PDE1C: variants seen among roughly 807,000 people sequenced by gnomAD.
PDE1C encodes phosphodiesterase 1C.
In PDE1C, 62 loss-of-function variants were observed where a neutral mutation model predicts 93.1. That is an observed-to-expected ratio of 0.67 (90% confidence interval 0.54 to 0.82). The LOEUF is 0.82. Ranked by LOEUF, PDE1C falls within the 40% of genes least tolerant of loss-of-function variation. The pLI, the probability that PDE1C is intolerant of heterozygous loss-of-function variation, is 0.00. For synonymous variants in PDE1C, 325 were observed against 310.1 expected (o/e 1.05, Z -0.50); for missense variants, 742 against 884.6 (o/e 0.84, Z 2.04).
chr7:32,162,376 G>A lies in PDE1C; in HGVS notation c.308+7409C>T, dbSNP rs113788401. ...TGATGCACCAGCAGAGAACTGCAGT[G>A]TGATGGGAGACTGTGGTCCTCCTAG... is the stretch of plus-strand genomic sequence containing the variant. On this transcript the variant is annotated intron_variant, in intron 3 of 18. Coordinates refer to the PDE1C transcript ENST00000396193. Among the ~76,000 whole-genome samples, 3 of 152,282 alleles carry A rather than the reference G, an allele frequency of 2.0e-5. 1 individual carries two copies. Among genetic ancestry groups the A allele is most frequent in the African/African-American group, 7.2e-5 (3 of 41,560 alleles).
intron 2 of PDE1C, among the ~76,000 whole-genome samples, chr7:31,923,038 C>T (rs1167873974): frequency 6.6e-6 from 1 of 152,106 alleles, no homozygotes; most frequent in Non-Finnish European, 1.5e-5. Context: ...TAGGACTAAA[C>T]ATAGAGCAGT....
chr7:32,161,775 C>G (rs149081881), intron 3 of PDE1C, among the ~76,000 whole-genome samples: 19 of 152,228 alleles, frequency 1.2e-4, no homozygotes, highest in African/African-American at 4.3e-4. Flanking sequence ...CCCGCTCCTC[C>G]TCCCAACCCA....
At chr7:31,899,555 T>TGTA (rs1799723654) in intron 2 of PDE1C, among the ~76,000 whole-genome samples, 1 of 152,158 alleles carries the variant, frequency 6.6e-6, no homozygotes, top group Non-Finnish European at 1.5e-5. Context: ...TAACAAGTGT[T>TGTA]ATATATTTTT....
At chr7:31,982,558 T>TA (rs984504060) in intron 2 of PDE1C, among the ~76,000 whole-genome samples, 19 of 152,174 alleles carry the variant, frequency 1.2e-4, no homozygotes, top group African/African-American at 4.6e-4. Context: ...TCTTTTTTTT[T>TA]AGCATAAAAA....
chr7:32,252,542 G>C (rs754982797), intron 1 of PDE1C, among the ~76,000 whole-genome samples: 2 of 152,172 alleles, frequency 1.3e-5, no homozygotes, highest in Non-Finnish European at 2.9e-5. Flanking sequence ...CACAGCAAGG[G>C]CAGGCAAGGA....
At chr7:31,684,224 A>C in the PDE1C span, among the ~76,000 whole-genome samples, 1 of 152,212 alleles carries the variant, frequency 6.6e-6, no homozygotes, top group Non-Finnish European at 1.5e-5. Context: ...AGTAGTAGAC[A>C]TGTCTATTCA....
At chr7:32,307,546 A>T (rs1585099891) in intron 1 of PDE1C, among the ~76,000 whole-genome samples, 1 of 152,144 alleles carries the variant, frequency 6.6e-6, no homozygotes, top group Non-Finnish European at 1.5e-5. Context: ...TTGAAACCCT[A>T]TCCTCTCCAC....
At chr7:32,361,183 G>T (rs1468007409) in intron 1 of PDE1C, among the ~76,000 whole-genome samples, 1 of 152,150 alleles carries the variant, frequency 6.6e-6, no homozygotes, top group African/African-American at 2.4e-5. Context: ...AACTGCGCAG[G>T]TTCTCACAGG....
At position 31,807,741 on chromosome 7, in the gene PDE1C, C is replaced by T. The variant is rs561905085; in HGVS notation, c.1891+1290G>A. ...ACTGTACATTTTCTGGCTTTGGTTGCCTTGATTTGGTATTGATGGCTGGCA... is the reference window on the plus strand; with the variant it reads ...ACTGTACATTTTCTGGCTTTGGTTGTCTTGATTTGGTATTGATGGCTGGCA... On this transcript the variant is annotated intron_variant, in intron 16 of 17. Coordinates refer to ENST00000396191, the MANE Select transcript of PDE1C (RefSeq NM_001191057.4). Among the ~76,000 whole-genome samples, 3 of 151,976 alleles carry T rather than the reference C, an allele frequency of 2.0e-5. No individual in the cohort carries two copies. In the East Asian group the frequency reaches 5.9e-4, roughly 30 times the overall value.
the PDE1C span, among the ~76,000 whole-genome samples, chr7:31,715,808 G>C: frequency 6.6e-6 from 1 of 152,098 alleles, no homozygotes; most frequent in African/African-American, 2.4e-5. Context: ...AACAAGCTGA[G>C]GTAAACAGGT....
At chr7:32,393,533 A>C (rs768349238) in intron 1 of PDE1C, among the ~76,000 whole-genome samples, 10 of 152,204 alleles carry the variant, frequency 6.6e-5, no homozygotes, top group Non-Finnish European at 1.2e-4. Flanking sequence ...GACTTAAAGG[A>C]ATACTATTAG....
chr7:31,894,181 C>T (rs983335213), intron 2 of PDE1C, among the ~76,000 whole-genome samples: 1 of 152,192 alleles, frequency 6.6e-6, no homozygotes, highest in Non-Finnish European at 1.5e-5. Context: ...TCAAAGTGTA[C>T]GTGAGAATTT....
chr7:31,934,247 T>G (rs140203657), intron 2 of PDE1C, among the ~76,000 whole-genome samples: 1 of 152,296 alleles, frequency 6.6e-6, no homozygotes, highest in East Asian at 1.9e-4. Flanking sequence ...ATGCTATATT[T>G]GATGTACATC....
intron 1 of PDE1C, among the ~76,000 whole-genome samples, chr7:32,277,057 T>C (rs1293876381): frequency 2.0e-5 from 3 of 152,128 alleles, no homozygotes; most frequent in African/African-American, 7.2e-5. Context: ...GTTACCAGCC[T>C]GGACAACATG....
chr7:32,325,776 G>T (rs1209257225), intron 1 of PDE1C, among the ~76,000 whole-genome samples: 1 of 152,216 alleles, frequency 6.6e-6, no homozygotes, highest in African/African-American at 2.4e-5. Flanking sequence ...AGAGGTAATA[G>T]AGGAGGGGAC....
rs574000555 is a variant in PDE1C, at chr7:32,097,997, G to A, written c.308+71788C>T. On this transcript the variant is annotated intron_variant, in intron 3 of 18. Transcript: ENST00000396193. ...TGTAATCCCAGCACTTTGGGAGGCC[G>A]AGGCGGGCGGATCACGAGGTCAGGA... Among the ~76,000 whole-genome samples the A allele has an allele frequency of 1.1e-4, 17 of 149,452 alleles. No individual in the cohort carries two copies. The South Asian group carries it at 1.9e-3, about 16-fold the overall frequency.
chr7:32,156,956 C>T (rs1235486624), intron 3 of PDE1C, among the ~76,000 whole-genome samples: 2 of 152,212 alleles, frequency 1.3e-5, no homozygotes, highest in African/African-American at 4.8e-5. Flanking sequence ...AAGTCAACGT[C>T]ACCCATAATA....
intron 2 of PDE1C, among the ~76,000 whole-genome samples, chr7:32,186,190 C>T (rs1237158578): frequency 6.6e-6 from 1 of 151,634 alleles, no homozygotes; most frequent in East Asian, 1.9e-4. Flanking sequence ...GCAAGCTCCG[C>T]CTCCCGGGTT....
At chr7:32,282,097 T>C (rs1009575579) in intron 1 of PDE1C, among the ~76,000 whole-genome samples, 3 of 150,944 alleles carry the variant, frequency 2.0e-5, no homozygotes, top group Non-Finnish European at 2.9e-5. Flanking sequence ...ACACGGCACA[T>C]GTATACATAT....
Sources: gnomAD v4.1 joint callset for allele counts (sites outside exome capture counted in the v4.1 genomes callset) on GRCh38, gnomAD v4.1.1 for gene constraint, MANE v1.5 for transcripts, NCBI Gene and HGNC (gene_info 2026-07-23, HGNC 2026-07-21) for gene names.